Variants in DENND2A observed in about 807,000 individuals in gnomAD.
The protein encoded by DENND2A is DENN domain-containing protein 2A.
Under a neutral mutation model 105.3 loss-of-function variants are expected in DENND2A, and 53 were observed. That is an observed-to-expected ratio of 0.50 (90% CI 0.40 to 0.63). The LOEUF is 0.63. Ranked by LOEUF, DENND2A falls within the 30% of genes least tolerant of loss-of-function variation. The pLI is 0.00. For missense variants in DENND2A, 1,138 were observed against 1,279.6 expected (o/e 0.89, Z 1.69); for synonymous variants, 522 against 508.4 (o/e 1.03, Z -0.36).
chr7:140,624,858 G>GTTTTTTTT (rs955912203), intron 1 of DENND2A, among the ~76,000 whole-genome samples: 1 of 123,786 alleles, frequency 8.1e-6, no homozygotes, highest in South Asian at 2.5e-4. Context: ...TGTTTTTTTT[G>GTTTTTTTT]TTTTTTTTTG....
chr7:140,624,675 C>T (rs114650695), intron 1 of DENND2A, among the ~76,000 whole-genome samples: 89 of 152,074 alleles, frequency 5.9e-4, no homozygotes, highest in African/African-American at 1.4e-3. Flanking sequence ...GCTAGTTACA[C>T]GTTCCATGTT....
intron 14 of DENND2A, among the ~76,000 whole-genome samples, chr7:140,534,493 G>A (rs1187680623): frequency 6.6e-6 from 1 of 152,190 alleles, no homozygotes; most frequent in Non-Finnish European, 1.5e-5. Flanking sequence ...TGATAGAGCA[G>A]GAAAGGATTA....
intron 9 of DENND2A, among the ~76,000 whole-genome samples, chr7:140,565,534 A>C (rs998262183): frequency 6.6e-6 from 1 of 152,200 alleles, no homozygotes; most frequent in Non-Finnish European, 1.5e-5. Context: ...AAGCCTAAGA[A>C]TAATTTATAA....
chr7:140,532,405 G>T (rs1242723062), intron 14 of DENND2A, among the ~76,000 whole-genome samples: 1 of 152,178 alleles, frequency 6.6e-6, no homozygotes, highest in Non-Finnish European at 1.5e-5. Flanking sequence ...AAGATCCATG[G>T]TCCATTTCCC....
chr7:140,553,011 T>C (rs1026813156), intron 12 of DENND2A, among the ~76,000 whole-genome samples: 1 of 152,082 alleles, frequency 6.6e-6, no homozygotes, highest in African/African-American at 2.4e-5. Flanking sequence ...CCTCCACACC[T>C]GTTGGTGTTT....
intron 2 of DENND2A, among the ~76,000 whole-genome samples, chr7:140,605,415 T>C (rs1211473268): frequency 6.6e-6 from 1 of 152,150 alleles, no homozygotes; most frequent in Admixed American, 6.5e-5. Flanking sequence ...TACCTGAACA[T>C]CCTAGTAGTT....
chr7:140,526,357 C>T (rs1466039044), intron 15 of DENND2A, among the ~76,000 whole-genome samples: 1 of 152,216 alleles, frequency 6.6e-6, no homozygotes, highest in Non-Finnish European at 1.5e-5. Flanking sequence ...AAGTGAGGTG[C>T]CTGAGGCGCA....
At chr7:140,583,816 C>T (rs1165188717) in intron 5 of DENND2A, among the ~76,000 whole-genome samples, 1 of 148,648 alleles carries the variant, frequency 6.7e-6, no homozygotes, top group Non-Finnish European at 1.5e-5. Context: ...GTCCCAGCTA[C>T]TCGGGAGGCT....
chr7:140,628,993 G>C (rs1307301197), intron 1 of DENND2A, among the ~76,000 whole-genome samples: 1 of 152,168 alleles, frequency 6.6e-6, no homozygotes, highest in Non-Finnish European at 1.5e-5. Context: ...AGAGATAAAA[G>C]ATATAAACCC....
chr7:140,539,539 A>G (rs1796575246), intron 14 of DENND2A, among the ~76,000 whole-genome samples: 1 of 152,114 alleles, frequency 6.6e-6, no homozygotes, highest in Admixed American at 6.5e-5. Flanking sequence ...CCTTCACCCA[A>G]CCCTGGAGTC....
chr7:140,601,880 C>G lies in DENND2A; in HGVS notation c.518G>C (p.Gly173Ala), dbSNP rs764964047. 4 of 1,614,070 alleles carry G rather than the reference C, an allele frequency of 2.5e-6. No individual in the cohort carries two copies. The highest frequency in any genetic ancestry group is 3.4e-6 in the Non-Finnish European group (4 of 1,180,016). ...VKKLEQALKDGSAGLDPQLPG... is the reference protein window; with the variant it reads ...VKKLEQALKDASAGLDPQLPG... ...TAACTGGGGATCCAGCCCTGCCGACCCATCCTTCAAAGCCTGCTCGAGTTT... is the reference window on the plus strand; with the variant it reads ...TAACTGGGGATCCAGCCCTGCCGACGCATCCTTCAAAGCCTGCTCGAGTTT... The change falls in exon 3 of 20, where the codon GGG becomes GCG. Residue 173 changes from glycine to alanine, a missense_variant. Gly to Ala is a moderately conservative substitution (Grantham distance 60). This residue lies in a region of DENND2A where 511 missense variants were observed against 499.9 expected (regional missense o/e 1.02). Coordinates refer to ENST00000496613, the MANE Select transcript of DENND2A (RefSeq NM_015689.5).
chr7:140,569,919 A>G (rs6979290), intron 6 of DENND2A, among the ~76,000 whole-genome samples, 181 bp from the exon 7 acceptor site: 4,042 of 151,230 alleles, frequency 0.027, 180 homozygotes, highest in African/African-American at 0.093. Context: ...TTTGAGGCAG[A>G]GTTTCGCTCT....
chr7:140,561,024 T>C (rs1030252620), intron 9 of DENND2A, among the ~76,000 whole-genome samples: 13 of 151,778 alleles, frequency 8.6e-5, no homozygotes, highest in African/African-American at 3.1e-4. Context: ...AAATTTGTGA[T>C]TTTTTTTCTT....
chr7:140,578,017 T>G (rs1191206535), intron 5 of DENND2A, among the ~76,000 whole-genome samples: 1 of 152,200 alleles, frequency 6.6e-6, no homozygotes, highest in Non-Finnish European at 1.5e-5. Flanking sequence ...AATCCCATTG[T>G]GTCCCTCTGG....
intron 12 of DENND2A, among the ~76,000 whole-genome samples, chr7:140,554,417 A>C (rs1461532923): frequency 6.6e-6 from 1 of 152,046 alleles, no homozygotes; most frequent in Non-Finnish European, 1.5e-5. Flanking sequence ...AGGTGGGTGG[A>C]TCACTTGAGG....
intron 14 of DENND2A, among the ~76,000 whole-genome samples, chr7:140,534,081 AT>A (rs3042407): frequency 0.021 from 1,711 of 80,060 alleles, 41 homozygotes; most frequent in African/African-American, 0.038. Flanking sequence ...TGCCTGGTTA[AT>A]TTTTTTTTTT....
chr7:140,638,031 G>A (rs1465932462), intron 1 of DENND2A, among the ~76,000 whole-genome samples: 3 of 152,146 alleles, frequency 2.0e-5, no homozygotes, highest in African/African-American at 4.8e-5. Flanking sequence ...AGGCAGTAAC[G>A]GGGAGTTTTA....
chr7:140,569,512 C>T (rs1372311038), intron 7 of DENND2A, 133 bp downstream of exon 7: 5 of 720,504 alleles, frequency 6.9e-6, no homozygotes, highest in African/African-American at 5.2e-5. Context: ...GTCCCAAAGA[C>T]AGTGCGGGAC....
At chr7:140,631,591 C>T (rs1800734623) in intron 1 of DENND2A, among the ~76,000 whole-genome samples, 1 of 152,102 alleles carries the variant, frequency 6.6e-6, no homozygotes. Flanking sequence ...CATCAGTCAG[C>T]TGGAGGGTAA....
Sources: allele counts gnomAD v4.1 joint callset (sites outside exome capture counted in the v4.1 genomes callset), GRCh38; gene constraint gnomAD v4.1.1; regional missense constraint gnomAD v4.1.1; transcripts MANE v1.5; gene names NCBI Gene and HGNC (gene_info 2026-07-23, HGNC 2026-07-21).